KIF17: variants seen among roughly 807,000 people sequenced by gnomAD.
KIF17 encodes the protein kinesin-like protein KIF17.
KIF17 carries 80 observed loss-of-function variants against 96.8 expected under a neutral mutation model. The observed-to-expected ratio is 0.83, with a 90% CI of 0.69 to 1.00. The LOEUF is 1.00. Ranked by LOEUF, KIF17 falls within the 50% of genes least tolerant of loss-of-function variation. KIF17 has a pLI of 0.00. For missense variants in KIF17, 1,280 were observed against 1,372.9 expected, an observed-to-expected ratio of 0.93 and a Z score of 1.07; for synonymous variants, 567 against 587.5, an observed-to-expected ratio of 0.97 and a Z score of 0.51.
chr1:20,668,958 T>C (rs552132421), intron 13 of KIF17, among the ~76,000 whole-genome samples: 1 of 152,270 alleles, frequency 6.6e-6, no homozygotes, highest in African/African-American at 2.4e-5. Flanking sequence ...ACTTAGCTGG[T>C]AGTTATTGTC....
rs541207323 is a variant in KIF17 at position 20,711,048 on chromosome 1, G to T, written c.481-1220C>A. On this transcript the variant is annotated intron_variant, in intron 3 of 14. Transcript: ENST00000400463. Reference sequence around the variant, plus strand: ...GGACGGAGCCGCGTGTGGCCTGAGGGCACCTTGTTCTGTGACTTGCTGGTT... The same window carrying T: ...GGACGGAGCCGCGTGTGGCCTGAGGTCACCTTGTTCTGTGACTTGCTGGTT... Among the ~76,000 whole-genome samples the T allele has an allele frequency of 9.2e-5, 14 of 152,240 alleles. No individual in the cohort carries two copies. The South Asian group carries it at 2.9e-3, about 32-fold the overall frequency.
chr1:20,684,329 C>T (rs1489579499), intron 10 of KIF17, among the ~76,000 whole-genome samples: 3 of 152,224 alleles, frequency 2.0e-5, no homozygotes, highest in African/African-American at 7.2e-5. Flanking sequence ...CCTGGATGAC[C>T]ACGACATGGA....
At chr1:20,692,545 G>A (rs1486689978) in intron 6 of KIF17, among the ~76,000 whole-genome samples, 5 of 151,166 alleles carry the variant, frequency 3.3e-5, no homozygotes, top group South Asian at 2.1e-4. Context: ...ATGGGGTTTC[G>A]CCTTGTCGGT....
In KIF17 at chr1:20,684,734, C is replaced by T; in HGVS notation, c.2231+75G>A. 5.6e-6 allele frequency: 8 copies of T among 1,419,346 alleles called. No individual in the cohort carries two copies. The East Asian group carries it at 7.5e-5, about 13-fold the overall frequency. The allele number at this position is 1,419,346 out of a possible 1,614,324, so 87.9% of individuals were successfully genotyped here. On this transcript the variant is annotated intron_variant, in intron 10 of 14. Transcript: ENST00000400463. ...AGAGCTGGGAGGAAGCTATGGCACC[C>T]CCGCCTCCATCCTGGAAGGCAGCCC... is the stretch of plus-strand genomic sequence containing the variant.
At chr1:20,688,011 G>T in intron 7 of KIF17, 67 bp from the exon 8 acceptor site, 1 of 1,370,586 alleles carries the variant, frequency 7.3e-7, no homozygotes, top group Non-Finnish European at 1.0e-6. Flanking sequence ...CCTAGAAGGT[G>T]GCTCCAAGCC....
chr1:20,682,124 C>A (rs932941732), intron 11 of KIF17, among the ~76,000 whole-genome samples: 2 of 152,064 alleles, frequency 1.3e-5, no homozygotes, highest in African/African-American at 4.8e-5. Flanking sequence ...ACACACAACA[C>A]ATACCCGCAT....
chr1:20,687,823 G>A lies in KIF17; in HGVS notation c.1503C>T (p.Phe501=). ...QYETVVKPKV[F]STTDTLPSDD... is the part of the protein sequence containing the mutation. ...CACTGGGCAGAGTGTCAGTCGTGGA[G>A]AAGACCTTGGGTTTCACCACTGTCT... Residue 501 remains phenylalanine, a synonymous_variant, in exon 8 of 15, where the codon TTC becomes TTT. Coordinates refer to ENST00000400463, the MANE Select transcript of KIF17 (RefSeq NM_001122819.3). This position sits in a 1 kb window ranked among gnomAD's most constrained non-coding sequence, Gnocchi z 4.4. 1 of 1,614,174 alleles carries A rather than the reference G, an allele frequency of 6.2e-7. No homozygotes were observed. Among genetic ancestry groups the A allele is most frequent in the Non-Finnish European group, 8.5e-7 (1 of 1,180,036 alleles).
Position 20,687,298 on chromosome 1 carries a change from G to A in KIF17, c.1938+90C>T. The A allele has an allele frequency of 7.2e-7, 1 of 1,394,276 alleles. No individual in the cohort carries two copies. The highest frequency in any genetic ancestry group is 1.0e-6 in the Non-Finnish European group (1 of 983,532). The allele number at this position is 1,394,276 out of a possible 1,614,324, so 86.4% of individuals were successfully genotyped here. On this transcript the variant is annotated intron_variant, in intron 8 of 14. Coordinates refer to ENST00000400463, the MANE Select transcript of KIF17 (RefSeq NM_001122819.3). This position sits in a 1 kb window ranked among gnomAD's most constrained non-coding sequence, Gnocchi z 4.4. ...ACGGCCTGAGTGTCGGAGGCCATGT[G>A]TGTGAACAGTGTGTGCACAGTGAGC...
intron 11 of KIF17, among the ~76,000 whole-genome samples, chr1:20,682,094 A>G (rs181643937): frequency 1.1e-4 from 17 of 152,228 alleles, no homozygotes; most frequent in Admixed American, 9.8e-4. Flanking sequence ...TATTTCTTAC[A>G]CACACGCACA....
intron 5 of KIF17, among the ~76,000 whole-genome samples, chr1:20,703,934 A>G (rs2054291171): frequency 1.3e-5 from 2 of 151,180 alleles, no homozygotes; most frequent in African/African-American, 4.9e-5. Context: ...CCGTCTCAAA[A>G]AAAAAAAAAG....
At chr1:20,686,954 C>G (rs1557591699) in intron 8 of KIF17, among the ~76,000 whole-genome samples, 1 of 152,126 alleles carries the variant, frequency 6.6e-6, no homozygotes, top group Non-Finnish European at 1.5e-5. Flanking sequence ...ATCCCAGAAG[C>G]CTCGTGGTCA....
chr1:20,704,931 C>T lies in KIF17; in HGVS notation c.671-32G>A. The T allele has an allele frequency of 6.3e-7, 1 of 1,579,902 alleles. No individual in the cohort carries two copies. Among genetic ancestry groups the T allele is most frequent in the Non-Finnish European group, 8.6e-7 (1 of 1,163,620 alleles). The stretch of plus-strand genomic sequence containing the variant: ...ACAGACCAGGCAAAGTGGCGAGGGC[C>T]TCGGGTGAGCCCTATGTATCGAGGG... On this transcript the variant is annotated intron_variant, in intron 4 of 14. Coordinates refer to ENST00000400463, the MANE Select transcript of KIF17 (RefSeq NM_001122819.3). The surrounding 1 kb of genome is among the most constrained non-coding windows in gnomAD (Gnocchi z 6.8).
At chr1:20,670,322 A>G in intron 13 of KIF17, 99 bp downstream of exon 13, 2 of 1,181,162 alleles carry the variant, frequency 1.7e-6, no homozygotes, top group South Asian at 1.2e-5. Context: ...GGCGGGAGGA[A>G]AGTGGAAAAC....
Position 20,715,562 on chromosome 1 carries a change from GC to G in KIF17, c.308del (p.Gly103AlafsTer59), listed in dbSNP as rs777195678. ...CTCTCTGGGAGGGCGGATCCGGCAG[GC>G]CCTGCATGGTGAAGGACTTCCCGCT... ...TGSGKSFTMQ[G>X]LPDPPSQRGI... On this transcript the variant is annotated frameshift_variant, in exon 2 of 15. Coordinates refer to ENST00000400463, the MANE Select transcript of KIF17 (RefSeq NM_001122819.3). LOFTEE classifies it high-confidence loss of function. The G allele has an allele frequency of 1.9e-6, 3 of 1,613,708 alleles. No individual in the cohort carries two copies. In the Admixed American group the frequency reaches 5.0e-5, roughly 27 times the overall value.
At position 20,665,219 on chromosome 1, in the gene KIF17, C is replaced by CTTTT. The variant is rs59635021; in HGVS notation, c.2909-461_2909-458dup. Among the ~76,000 whole-genome samples the CTTTT allele has an allele frequency of 2.3e-3, 142 of 61,280 alleles. 2 individuals carry two copies. Among genetic ancestry groups the CTTTT allele is most frequent in the Middle Eastern group, 0.02 (1 of 50 alleles). 40.2% of individuals were successfully genotyped at this position (61,280 alleles called of 152,430 possible). A position where few individuals can be genotyped will look rare whatever the true frequency, so the allele number is the denominator to read the frequency against. On this transcript the variant is annotated intron_variant, in intron 14 of 14. Transcript: ENST00000400463. ...TCAATATATAGAACTCAAATTTGCT[C>CTTTT]TTTTTTTTTTTTTTTTTTTTTTTTT...
chr1:20,691,954 C>A (rs993868608), intron 6 of KIF17, among the ~76,000 whole-genome samples: 1 of 152,210 alleles, frequency 6.6e-6, no homozygotes, highest in Non-Finnish European at 1.5e-5. Flanking sequence ...GCTATCACTG[C>A]CAGCTCTCGT....
rs905203146 is a variant in KIF17, at chr1:20,699,740, A to G, written c.1124-1252T>C. Among the ~76,000 whole-genome samples the G allele has an allele frequency of 8.0e-5, 12 of 150,064 alleles. No homozygotes were observed. Among genetic ancestry groups the G allele is most frequent in the African/African-American group, 3.0e-4 (12 of 39,536 alleles). On this transcript the variant is annotated intron_variant, in intron 5 of 14. Transcript: ENST00000400463. The surrounding 1 kb of genome is among the most constrained non-coding windows in gnomAD (Gnocchi z 4.3). ...GTGCGAGGGCCCTGAGGCGGTTGTG[A>G]GACTGCACTGTTCCTGGCCCAGCCA...
chr1:20,701,969 G>A (rs2054245467), intron 5 of KIF17, among the ~76,000 whole-genome samples: 1 of 152,198 alleles, frequency 6.6e-6, no homozygotes, highest in East Asian at 1.9e-4. Context: ...AATGTCTAAA[G>A]TGAGTCCAGG....
chr1:20,714,282 A>T (rs966098996), intron 2 of KIF17, among the ~76,000 whole-genome samples: 1 of 151,690 alleles, frequency 6.6e-6, no homozygotes, highest in Non-Finnish European at 1.5e-5. Context: ...AGCTGAGATC[A>T]CGCCACTGCA....
Sources: allele counts gnomAD v4.1 joint callset (sites outside exome capture counted in the v4.1 genomes callset), GRCh38; gene constraint gnomAD v4.1.1; non-coding constraint Gnocchi (gnomAD v3.1); transcripts MANE v1.5; gene names NCBI Gene and HGNC (gene_info 2026-07-23, HGNC 2026-07-21).